Variants in BST1 observed in about 807,000 individuals in gnomAD.
BST1 encodes ADP-ribosyl cyclase/cyclic ADP-ribose hydrolase 2.
Under a neutral mutation model 40.6 loss-of-function variants are expected in BST1, and 49 were observed. That is an observed-to-expected ratio of 1.21 (90% CI 0.96 to 1.53). The LOEUF (loss-of-function observed/expected upper bound fraction) is 1.53. Among genes scored for constraint, BST1 ranks in the 40% most tolerant of loss-of-function variants. The pLI is 0.00. For synonymous variants in BST1, 157 were observed against 159.3 expected (o/e 0.99, Z 0.11); for missense variants, 423 against 395.9 (o/e 1.07, Z -0.58).
At chr4:15,770,640 C>A in the BST1 span, among the ~76,000 whole-genome samples, 1 of 152,142 alleles carries the variant, frequency 6.6e-6, no homozygotes, top group South Asian at 2.1e-4. Context: ...GCAGAGGTTG[C>A]GGTGAGCCGA....
At chr4:15,753,145 T>C in the BST1 span, among the ~76,000 whole-genome samples, 1 of 152,144 alleles carries the variant, frequency 6.6e-6, no homozygotes, top group South Asian at 2.1e-4. Context: ...CATCTGGCAA[T>C]ATATCACCCT....
the BST1 span, among the ~76,000 whole-genome samples, chr4:15,761,423 G>A: frequency 6.6e-6 from 1 of 151,990 alleles, no homozygotes; most frequent in Non-Finnish European, 1.5e-5. Context: ...AGATAAAATT[G>A]TATGTGGCAA....
chr4:15,764,268 AT>A, the BST1 span, among the ~76,000 whole-genome samples: 1 of 151,936 alleles, frequency 6.6e-6, no homozygotes, highest in Non-Finnish European at 1.5e-5. Flanking sequence ...CAGTATCCCT[AT>A]TTTCAATGAA....
chr4:15,724,239 C>G (rs1041457363), intron 8 of BST1, among the ~76,000 whole-genome samples: 1 of 152,220 alleles, frequency 6.6e-6, no homozygotes, highest in Non-Finnish European at 1.5e-5. Context: ...TTTTTCATTA[C>G]AGTTGCACAT....
chr4:15,766,362 G>A, the BST1 span, among the ~76,000 whole-genome samples: 1 of 151,942 alleles, frequency 6.6e-6, no homozygotes, highest in Non-Finnish European at 1.5e-5. Context: ...AAAGTCACCA[G>A]ATCTGTTAAG....
chr4:15,749,286 G>C, the BST1 span, among the ~76,000 whole-genome samples: 2,117 of 152,276 alleles, frequency 0.014, 55 homozygotes, highest in African/African-American at 0.048. Context: ...GTCCAGAAAC[G>C]GTCATTGCCA....
At chr4:15,747,541 G>A in the BST1 span, among the ~76,000 whole-genome samples, 1 of 152,166 alleles carries the variant, frequency 6.6e-6, no homozygotes, top group Non-Finnish European at 1.5e-5. Flanking sequence ...TTTTAATGAA[G>A]ACTGTCTTCT....
the BST1 span, among the ~76,000 whole-genome samples, chr4:15,757,013 A>AT: frequency 2.6e-5 from 4 of 152,196 alleles, no homozygotes; most frequent in Admixed American, 1.3e-4. Flanking sequence ...AAAGAAATCT[A>AT]TATTAGTAAA....
chr4:15,717,656 T>C (rs1720586601), intron 6 of BST1, among the ~76,000 whole-genome samples: 1 of 152,202 alleles, frequency 6.6e-6, no homozygotes, highest in African/African-American at 2.4e-5. Flanking sequence ...TAATTAATAA[T>C]GTGTAGGAAA....
At chr4:15,772,683 G>T in the BST1 span, among the ~76,000 whole-genome samples, 4 of 152,216 alleles carry the variant, frequency 2.6e-5, no homozygotes, top group African/African-American at 9.6e-5. Flanking sequence ...ACAACAATTT[G>T]CAGATCGAAC....
chr4:15,731,491 C>T (rs1721369486), intron 8 of BST1: 2 of 986,118 alleles, frequency 2.0e-6, no homozygotes, highest in South Asian at 2.6e-5. Context: ...AAGCGCTTGT[C>T]CTTCTGGGGA....
intron 8 of BST1, among the ~76,000 whole-genome samples, chr4:15,726,183 C>T (rs1369431315): frequency 2.8e-5 from 4 of 142,808 alleles, no homozygotes; most frequent in African/African-American, 5.4e-5. Flanking sequence ...CTATATTGCC[C>T]ATGCTGGCAA....
chr4:15,731,454 G>T, intron 8 of BST1: 1 of 769,384 alleles, frequency 1.3e-6, no homozygotes, highest in Non-Finnish European at 2.3e-6. Flanking sequence ...GGGGCAGGGA[G>T]TGGACTTAAG....
At chr4:15,705,684 C>G (rs759306495) in intron 2 of BST1, 43 bp downstream of exon 2, 1 of 1,607,514 alleles carries the variant, frequency 6.2e-7, no homozygotes, top group South Asian at 1.1e-5. Flanking sequence ...TTCTCTGTCT[C>G]TACAGAAATG....
At chr4:15,723,995 T>C (rs1720965649) in intron 8 of BST1, among the ~76,000 whole-genome samples, 1 of 152,202 alleles carries the variant, frequency 6.6e-6, no homozygotes, top group East Asian at 1.9e-4. Flanking sequence ...CTTGAATTCT[T>C]TTCCGAAATC....
chr4:15,736,026 T>G, downstream of BST1: 1 of 1,248,452 alleles, frequency 8.0e-7, no homozygotes, highest in Non-Finnish European at 1.0e-6. Flanking sequence ...TTTCTATGTG[T>G]TTTTATGCAC....
the BST1 span, among the ~76,000 whole-genome samples, chr4:15,744,914 G>A: frequency 3.5e-4 from 53 of 152,290 alleles, no homozygotes; most frequent in Middle Eastern, 3.4e-3. Flanking sequence ...AATGTTTTCT[G>A]TAAGTCATCA....
At chr4:15,773,489 T>C in the BST1 span, among the ~76,000 whole-genome samples, 2 of 152,230 alleles carry the variant, frequency 1.3e-5, no homozygotes, top group African/African-American at 2.4e-5. Context: ...CTTTTCGTGA[T>C]CTCTCACCCT....
chr4:15,769,666 C>T, the BST1 span, among the ~76,000 whole-genome samples: 9 of 151,824 alleles, frequency 5.9e-5, no homozygotes, highest in Non-Finnish European at 1.2e-4. Context: ...ATTTCTCTCT[C>T]TCTATATATA....
Sources: allele counts gnomAD v4.1 joint callset (sites outside exome capture counted in the v4.1 genomes callset), GRCh38; gene constraint gnomAD v4.1.1; transcripts MANE v1.5; gene names NCBI Gene and HGNC (gene_info 2026-07-23, HGNC 2026-07-21).